Variants in ACSL1 observed in about 807,000 individuals in gnomAD.
ACSL1 encodes the protein long-chain-fatty-acid--CoA ligase 1.
In ACSL1, 41 loss-of-function variants were observed where a neutral mutation model predicts 98.4. That is an observed-to-expected ratio of 0.42 (90% CI 0.32 to 0.54). The LOEUF (loss-of-function observed/expected upper bound fraction) is 0.54. ACSL1 is among the 20% of genes least tolerant of loss of function. The pLI, the probability that ACSL1 is intolerant of heterozygous loss-of-function variation, is 0.13. For synonymous variants in ACSL1, 316 were observed against 322.7 expected (o/e 0.98, Z 0.22); for missense variants, 734 against 883.1 (o/e 0.83, Z 2.14).
intron 1 of ACSL1, among the ~76,000 whole-genome samples, chr4:184,811,079 A>G (rs1272003456): frequency 4.6e-5 from 7 of 152,132 alleles, no homozygotes; most frequent in Non-Finnish European, 1.0e-4. Flanking sequence ...GGTGACACTG[A>G]CAATGACAAG....
intron 10 of ACSL1, among the ~76,000 whole-genome samples, chr4:184,771,645 T>C (rs751307774): frequency 9.2e-5 from 14 of 152,240 alleles, no homozygotes; most frequent in Admixed American, 5.9e-4. Flanking sequence ...GTTATTAACA[T>C]AAAGAATTCT....
At chr4:184,794,067 T>C (rs1253049153) in intron 2 of ACSL1, among the ~76,000 whole-genome samples, 1 of 152,242 alleles carries the variant, frequency 6.6e-6, no homozygotes, top group Admixed American at 6.5e-5. Context: ...CAATGTTCAA[T>C]AGACAATACC....
intron 1 of ACSL1, among the ~76,000 whole-genome samples, chr4:184,804,841 C>T (rs374041132): frequency 3.0e-4 from 45 of 152,284 alleles, no homozygotes; most frequent in East Asian, 1.4e-3. Flanking sequence ...CCTCTACCAA[C>T]GCTCTGTGAT....
intron 17 of ACSL1, among the ~76,000 whole-genome samples, chr4:184,762,025 G>T (rs940551461): frequency 6.6e-6 from 1 of 152,104 alleles, no homozygotes; most frequent in East Asian, 1.9e-4. Flanking sequence ...TACTTGGGAG[G>T]CTGAGGCAGG....
intron 1 of ACSL1, chr4:184,808,518 G>C: frequency 1.0e-6 from 1 of 985,322 alleles, no homozygotes; most frequent in Non-Finnish European, 1.2e-6. Context: ...AGCAACCCAA[G>C]CTGGCAAGAT....
chr4:184,801,049 C>T (rs1000293455), intron 2 of ACSL1, among the ~76,000 whole-genome samples: 27 of 152,112 alleles, frequency 1.8e-4, no homozygotes, highest in African/African-American at 6.3e-4. Flanking sequence ...AGAGATGAGG[C>T]CTTGCTATGT....
chr4:184,780,308 T>C (rs1766028282), intron 5 of ACSL1, 24 bp downstream of exon 5: 2 of 1,585,106 alleles, frequency 1.3e-6, no homozygotes, highest in African/African-American at 1.3e-5. Flanking sequence ...AAATCATGCA[T>C]AGCAAGTACC....
intron 10 of ACSL1, among the ~76,000 whole-genome samples, chr4:184,770,984 C>A (rs537612892): frequency 6.6e-6 from 1 of 152,280 alleles, no homozygotes; most frequent in East Asian, 1.9e-4. Flanking sequence ...ATTAGCCAGA[C>A]ATGGTGGCAC....
rs578025141 is a variant in ACSL1 at position 184,803,101 on chromosome 4, C to T, written c.195+219G>A. On this transcript the variant is annotated intron_variant, in intron 2 of 20. Coordinates refer to ENST00000281455, the MANE Select transcript of ACSL1 (RefSeq NM_001995.5). The surrounding 1 kb of genome is among the most constrained non-coding windows in gnomAD (Gnocchi z 4.8). The stretch of plus-strand genomic sequence containing the variant: ...ATTTCTAGAATGATCTTCCATGTGA[C>T]GAGAGGTAGACACCCAACCGACACC... Among the ~76,000 whole-genome samples, 100 of 152,290 alleles carry T rather than the reference C, an allele frequency of 6.6e-4. No individual in the cohort carries two copies. In the Middle Eastern group the frequency reaches 0.027, roughly 41 times the overall value.
chr4:184,813,123 A>C (rs139312311), intron 1 of ACSL1, among the ~76,000 whole-genome samples: 2 of 152,294 alleles, frequency 1.3e-5, no homozygotes, highest in Admixed American at 6.5e-5. Flanking sequence ...ACTTGAGAAA[A>C]TGATGATTAT....
At position 184,803,592 on chromosome 4, in the gene ACSL1, C is replaced by T; in HGVS notation, c.-32-46G>A. The T allele has an allele frequency of 7.6e-7, 1 of 1,321,132 alleles. No individual in the cohort carries two copies. The allele number at this position is 1,321,132 out of a possible 1,614,324, so 81.8% of individuals were successfully genotyped here. Reference sequence around the variant, plus strand: ...CACGTTCGTTCCAGGGAAGCAGGACCCCTCTCCAGAACTCCAAAATTCCAC... The same window carrying T: ...CACGTTCGTTCCAGGGAAGCAGGACTCCTCTCCAGAACTCCAAAATTCCAC... On this transcript the variant is annotated intron_variant, in intron 1 of 20. Transcript: ENST00000281455. The surrounding 1 kb of genome is among the most constrained non-coding windows in gnomAD (Gnocchi z 4.8).
At chr4:184,765,830 G>A (rs767598387) in intron 14 of ACSL1, 61 bp downstream of exon 14, 99 of 1,454,190 alleles carry the variant, frequency 6.8e-5, no homozygotes, top group Non-Finnish European at 8.5e-5. Flanking sequence ...ATGACTTTTG[G>A]TGCAGAAGAG....
chr4:184,759,538 C>T (rs1389123643), intron 18 of ACSL1, among the ~76,000 whole-genome samples: 1 of 152,272 alleles, frequency 6.6e-6, no homozygotes, highest in African/African-American at 2.4e-5. Flanking sequence ...TGAACAGACA[C>T]TTCTCAAAAG....
chr4:184,786,496 T>C (rs558536188), intron 3 of ACSL1, among the ~76,000 whole-genome samples: 4 of 152,118 alleles, frequency 2.6e-5, no homozygotes, highest in Middle Eastern at 3.4e-3. Context: ...ATCCACCTGA[T>C]GGATATTTAC....
At chr4:184,813,835 C>T (rs560956244) in intron 1 of ACSL1, 2 of 456,170 alleles carry the variant, frequency 4.4e-6, no homozygotes, top group Admixed American at 4.7e-5. Flanking sequence ...CCAAGCTATG[C>T]AGGCACTTTC....
At chr4:184,792,931 G>T (rs938513184) in intron 2 of ACSL1, among the ~76,000 whole-genome samples, 6 of 152,118 alleles carry the variant, frequency 3.9e-5, no homozygotes, top group Admixed American at 1.3e-4. Context: ...ACTATATTAG[G>T]TAAGTCCACG....
intron 1 of ACSL1, chr4:184,821,136 G>A: frequency 2.2e-6 from 1 of 456,236 alleles, no homozygotes; most frequent in South Asian, 1.5e-5. Flanking sequence ...TCTGTCTGCT[G>A]CTCTCATCAC....
At position 184,773,724 on chromosome 4, in the gene ACSL1, A is replaced by T. The variant is rs548867308; in HGVS notation, c.790-10T>A. The T allele has an allele frequency of 1.3e-5, 3 of 225,802 alleles. No individual in the cohort carries two copies. Among genetic ancestry groups the T allele is most frequent in the East Asian group, 1.4e-4 (1 of 7,178 alleles). 14.0% of individuals were successfully genotyped at this position (225,802 alleles called of 1,614,324 possible). Reference sequence around the variant, plus strand: ...CTTCAGGTGCTGGAGGCTAAAGATTAAAAAAAAAAAAAGCTGGTATAAATC... The same window carrying T: ...CTTCAGGTGCTGGAGGCTAAAGATTTAAAAAAAAAAAAGCTGGTATAAATC... On this transcript the variant is annotated splice_polypyrimidine_tract_variant and intron_variant, in intron 8 of 20. Transcript: ENST00000281455. The surrounding 1 kb of genome is among the most constrained non-coding windows in gnomAD (Gnocchi z 4.3).
chr4:184,771,053 G>A (rs1447794373), intron 10 of ACSL1, among the ~76,000 whole-genome samples: 1 of 152,156 alleles, frequency 6.6e-6, no homozygotes, highest in African/African-American at 2.4e-5. Flanking sequence ...GAATCAGGGA[G>A]GCGGAGGCTG....
Sources: gnomAD v4.1 joint callset for allele counts (sites outside exome capture counted in the v4.1 genomes callset) on GRCh38, gnomAD v4.1.1 for gene constraint, Gnocchi (gnomAD v3.1) non-coding constraint, MANE v1.5 for transcripts, NCBI Gene and HGNC (gene_info 2026-07-23, HGNC 2026-07-21) for gene names.